TAFA1: variants seen among roughly 807,000 people sequenced by gnomAD.
TAFA1 encodes the protein chemokine-like protein TAFA-1.
Under a neutral mutation model 18.5 loss-of-function variants are expected in TAFA1, and 4 were observed. The observed-to-expected ratio is 0.22, with a 90% CI of 0.11 to 0.49. TAFA1 has a LOEUF of 0.49. TAFA1 is among the 20% of genes least tolerant of loss of function. The probability of loss-of-function intolerance (pLI) is 0.98; values close to 1 mark genes in which losing one functional copy is unlikely to be tolerated. For synonymous variants in TAFA1, 56 were observed against 55.2 expected (o/e 1.01, Z -0.06); for missense variants, 147 against 169.0 (o/e 0.87, Z 0.72).
chr3:68,254,255 C>T (rs2067255431), intron 2 of TAFA1, among the ~76,000 whole-genome samples: 1 of 151,834 alleles, frequency 6.6e-6, no homozygotes, highest in East Asian at 1.9e-4. Context: ...GGATAAAACA[C>T]AGAACATGAG....
chr3:68,014,342 A>G (rs1704530051), intron 2 of TAFA1, among the ~76,000 whole-genome samples: 1 of 152,256 alleles, frequency 6.6e-6, no homozygotes, highest in Non-Finnish European at 1.5e-5. Context: ...ATAATTATTT[A>G]TTGATCATCC....
Position 68,317,606 on chromosome 3 carries a change from G to A in TAFA1, c.119-99674G>A, listed in dbSNP as rs148448435. Among the ~76,000 whole-genome samples the A allele has an allele frequency of 9.2e-3, 1,404 of 152,238 alleles. 22 individuals are homozygous for A. Among genetic ancestry groups the A allele is most frequent in the African/African-American group, 0.03 (1,258 of 41,540 alleles). ...GTGTGCTCTGTTTTGCCTCCTGTCA[G>A]GTCCCCTGTACCTATCATGGTCCCT... On this transcript the variant is annotated intron_variant, in intron 2 of 4. Coordinates refer to ENST00000478136, the MANE Select transcript of TAFA1 (RefSeq NM_213609.4).
At chr3:68,140,360 T>C (rs2065655010) in intron 2 of TAFA1, among the ~76,000 whole-genome samples, 1 of 152,224 alleles carries the variant, frequency 6.6e-6, no homozygotes, top group Non-Finnish European at 1.5e-5. Context: ...GCTCTCTTAC[T>C]AGAATCTGAA....
intron 2 of TAFA1, among the ~76,000 whole-genome samples, chr3:68,402,783 C>T (rs1352219866): frequency 1.3e-5 from 2 of 152,154 alleles, no homozygotes; most frequent in Non-Finnish European, 2.9e-5. Flanking sequence ...AGAAGTACCT[C>T]GTTCTAGTTC....
the TAFA1 span, among the ~76,000 whole-genome samples, chr3:67,994,353 C>T: frequency 6.6e-6 from 1 of 152,208 alleles, no homozygotes; most frequent in African/African-American, 2.4e-5. Flanking sequence ...TGTTGCCTTA[C>T]ACAGGGCACT....
chr3:68,407,926 A>T (rs1350413597), intron 2 of TAFA1, among the ~76,000 whole-genome samples: 1 of 152,174 alleles, frequency 6.6e-6, no homozygotes, highest in Non-Finnish European at 1.5e-5. Context: ...ATGCTTAAAG[A>T]TCCATTAGTG....
At chr3:68,074,037 C>T (rs190978963) in intron 2 of TAFA1, among the ~76,000 whole-genome samples, 120 of 152,160 alleles carry the variant, frequency 7.9e-4, no homozygotes, top group African/African-American at 2.8e-3. Context: ...CAGTGGGAGG[C>T]CTGAGCTTGC....
At chr3:68,511,083 C>T (rs969947042) in intron 3 of TAFA1, among the ~76,000 whole-genome samples, 4 of 152,154 alleles carry the variant, frequency 2.6e-5, no homozygotes, top group African/African-American at 9.7e-5. Flanking sequence ...AAATGTGCCT[C>T]TCAACTATGC....
At chr3:68,075,285 C>T (rs563134073) in intron 2 of TAFA1, among the ~76,000 whole-genome samples, 51 of 152,186 alleles carry the variant, frequency 3.4e-4, no homozygotes, top group Non-Finnish European at 7.2e-4. Context: ...GAGATTCTGA[C>T]TCTTACTCCT....
intron 2 of TAFA1, among the ~76,000 whole-genome samples, chr3:68,255,833 C>G (rs1230902288): frequency 3.9e-5 from 6 of 151,970 alleles, no homozygotes; most frequent in Admixed American, 3.9e-4. Context: ...TAGTCCATTT[C>G]TCTGGCTAAC....
chr3:68,311,135 C>A (rs1056056009), intron 2 of TAFA1, among the ~76,000 whole-genome samples: 5 of 152,058 alleles, frequency 3.3e-5, no homozygotes, highest in African/African-American at 1.2e-4. Context: ...TCATGAGACC[C>A]ATTCACTATC....
intron 2 of TAFA1, among the ~76,000 whole-genome samples, chr3:68,386,269 T>C (rs571415709): frequency 6.6e-6 from 1 of 152,296 alleles, no homozygotes; most frequent in African/African-American, 2.4e-5. Context: ...AACTAACAAA[T>C]GACACAGCTG....
chr3:68,359,738 G>A (rs573979488), intron 2 of TAFA1, among the ~76,000 whole-genome samples: 34 of 151,994 alleles, frequency 2.2e-4, no homozygotes, highest in African/African-American at 6.0e-4. Flanking sequence ...CAAGATTGTG[G>A]TAAGTTGTTA....
intron 2 of TAFA1, among the ~76,000 whole-genome samples, chr3:68,375,873 A>G (rs1200821039): frequency 1.3e-5 from 2 of 152,194 alleles, no homozygotes; most frequent in South Asian, 4.1e-4. Flanking sequence ...AAAACCTCTG[A>G]TTTTAGCTCT....
intron 3 of TAFA1, among the ~76,000 whole-genome samples, chr3:68,484,657 C>T (rs1229053221): frequency 6.6e-6 from 1 of 152,124 alleles, no homozygotes; most frequent in East Asian, 1.9e-4. Context: ...TATTAAGCAA[C>T]CAGGAAGGCA....
intron 2 of TAFA1, among the ~76,000 whole-genome samples, chr3:68,200,186 C>T (rs1426049158): frequency 6.6e-6 from 1 of 151,286 alleles, no homozygotes; most frequent in Non-Finnish European, 1.5e-5. Flanking sequence ...TGGATAAATC[C>T]CTCTTGATTA....
Position 68,123,321 on chromosome 3 carries a change from A to G in TAFA1, c.118+116577A>G, listed in dbSNP as rs114647245. ...TTGGCAAAGGGTCCACTTGGTTTAC[A>G]TATTTCTCAAAGTACCTGGGGAGGA... On this transcript the variant is annotated intron_variant, in intron 2 of 4. Transcript: ENST00000478136. Among the ~76,000 whole-genome samples, 1,072 of 152,262 alleles carry G rather than the reference A, an allele frequency of 7.0e-3. 9 individuals carry two copies. The highest frequency in any genetic ancestry group is 0.025 in the African/African-American group (1,027 of 41,548).
In TAFA1 at chr3:68,235,682, CA is replaced by C. The variant is rs746574007; in HGVS notation, c.119-181596del. Among the ~76,000 whole-genome samples the C allele has an allele frequency of 2.0e-5, 3 of 152,076 alleles. No homozygotes were observed. In the South Asian group the frequency reaches 6.2e-4, roughly 32 times the overall value. ...TGTAGATCAAGTATGGCTGGCCAAT[CA>C]AGTGTTTTGTGACCCCTGGTAGTCC... On this transcript the variant is annotated intron_variant, in intron 2 of 4. Coordinates refer to ENST00000478136, the MANE Select transcript of TAFA1 (RefSeq NM_213609.4).
chr3:68,125,398 C>G (rs2065452051), intron 2 of TAFA1, among the ~76,000 whole-genome samples: 2 of 152,222 alleles, frequency 1.3e-5, no homozygotes, highest in South Asian at 4.1e-4. Flanking sequence ...GCTACTGCTG[C>G]TCGTTGTTTT....
Sources: allele counts gnomAD v4.1 joint callset (sites outside exome capture counted in the v4.1 genomes callset), GRCh38; gene constraint gnomAD v4.1.1; transcripts MANE v1.5; gene names NCBI Gene and HGNC (gene_info 2026-07-23, HGNC 2026-07-21).